MAPK10: variants seen among roughly 807,000 people sequenced by gnomAD.
MAPK10 encodes JNK3 alpha protein kinase.
MAPK10 carries 25 observed loss-of-function variants against 59.3 expected under a neutral mutation model. The ratio of observed to expected loss-of-function variants is 0.42; its 90% CI spans 0.31 to 0.59. MAPK10 has a LOEUF of 0.59. Among genes scored for constraint, MAPK10 ranks in the 20% least tolerant of loss-of-function variants. The pLI is 0.15. For synonymous variants in MAPK10, 190 were observed against 200.5 expected (o/e 0.95, Z 0.44); for missense variants, 351 against 568.9 (o/e 0.62, Z 3.90).
intron 11 of MAPK10, among the ~76,000 whole-genome samples, chr4:86,039,893 C>T (rs1406379388): frequency 6.6e-6 from 1 of 152,158 alleles, no homozygotes; most frequent in Non-Finnish European, 1.5e-5. Flanking sequence ...GACCCACCCA[C>T]CTGCTGACCC....
chr4:86,519,321 G>A (rs1008023818), intron 1 of MAPK10, among the ~76,000 whole-genome samples: 1 of 152,094 alleles, frequency 6.6e-6, no homozygotes, highest in East Asian at 1.9e-4. Flanking sequence ...ATATATTAAG[G>A]AATGTGATAT....
intron 3 of MAPK10, among the ~76,000 whole-genome samples, chr4:86,185,111 G>T (rs930505479): frequency 6.6e-6 from 1 of 152,152 alleles, no homozygotes; most frequent in African/African-American, 2.4e-5. Context: ...TAAACTTTGA[G>T]TTGGAAAGTT....
chr4:86,263,408 C>A (rs2094097613), intron 2 of MAPK10, among the ~76,000 whole-genome samples: 2 of 152,116 alleles, frequency 1.3e-5, no homozygotes, highest in Non-Finnish European at 2.9e-5. Flanking sequence ...GCTCCTGTTT[C>A]TCCTAGAAGT....
At chr4:86,171,601 T>G (rs934154697) in intron 3 of MAPK10, among the ~76,000 whole-genome samples, 1 of 152,140 alleles carries the variant, frequency 6.6e-6, no homozygotes, top group Non-Finnish European at 1.5e-5. Flanking sequence ...GACTTAAATG[T>G]TAGATCTAAA....
At chr4:86,359,288 C>CTCTCTGTGTGTGTG (rs796310826) in intron 1 of MAPK10, among the ~76,000 whole-genome samples, 6 of 94,602 alleles carry the variant, frequency 6.3e-5, no homozygotes, top group African/African-American at 3.2e-4. Context: ...CTCTCTCTCT[C>CTCTCTGTGTGTGTG]TGTGTGTGTG....
chr4:86,552,597 A>G (rs1289257996), intron 1 of MAPK10, among the ~76,000 whole-genome samples: 1 of 152,038 alleles, frequency 6.6e-6, no homozygotes, highest in Admixed American at 6.5e-5. Context: ...TGCAGAACCT[A>G]CTTGTGGGGA....
At chr4:86,112,160 A>C (rs1424475404) in intron 4 of MAPK10, among the ~76,000 whole-genome samples, 1 of 145,506 alleles carries the variant, frequency 6.9e-6, no homozygotes, top group Non-Finnish European at 1.5e-5. Context: ...AAAAAAAAAA[A>C]CCAGCTCCTG....
intron 13 of MAPK10, among the ~76,000 whole-genome samples, chr4:86,018,498 G>A (rs1744506719): frequency 6.6e-6 from 1 of 152,098 alleles, no homozygotes; most frequent in African/African-American, 2.4e-5. Context: ...TATCTGTTAT[G>A]CGGGAGTATA....
Position 86,017,459 on chromosome 4 carries a change from A to C in MAPK10, c.1253-89T>G. The C allele has an allele frequency of 7.2e-7, 1 of 1,392,188 alleles. No individual in the cohort carries two copies. Among genetic ancestry groups the C allele is most frequent in the Non-Finnish European group, 1.0e-6 (1 of 993,228 alleles). The allele number at this position is 1,392,188 out of a possible 1,614,324, so 86.2% of individuals were successfully genotyped here. ...CAGGATTCAGGGATGGGCAAATACA[A>C]TAGGGGATGTCCAGTCCATCAATCA... is the stretch of plus-strand genomic sequence containing the variant. On this transcript the variant is annotated intron_variant, in intron 13 of 13. Coordinates refer to ENST00000641462, the MANE Select transcript of MAPK10 (RefSeq NM_138982.4). The surrounding 1 kb of genome is among the most constrained non-coding windows in gnomAD (Gnocchi z 4.4).
At chr4:86,245,569 A>C (rs556746856) in intron 2 of MAPK10, among the ~76,000 whole-genome samples, 12 of 152,294 alleles carry the variant, frequency 7.9e-5, no homozygotes, top group Non-Finnish European at 1.6e-4. Context: ...CCTGGGCTCA[A>C]GCCATCCTCC....
In MAPK10 at chr4:86,010,901, G is replaced by C. The variant is rs1741383402; in HGVS notation, c.*6327C>G. 1 of 151,486 alleles carries C rather than the reference G, an allele frequency of 6.6e-6. No homozygotes were observed. The highest frequency in any genetic ancestry group is 2.5e-5 in the African/African-American group (1 of 40,788). The allele number at this position is 151,486 out of a possible 1,614,324, so 9.4% of individuals were successfully genotyped here. On this transcript the variant is annotated 3_prime_UTR_variant, in exon 14 of 14. Transcript: ENST00000641462. ...TCTGGACTGTTGGTTAAACATCGCA[G>C]ACAAGATCAGGTGAAGAACATTACT...
intron 9 of MAPK10, 92 bp from the exon 10 acceptor site, chr4:86,068,047 C>A: frequency 2.9e-6 from 2 of 686,100 alleles, no homozygotes; most frequent in South Asian, 7.0e-5. Context: ...CCTCAACAGT[C>A]ATTAATGCAA....
intron 1 of MAPK10, among the ~76,000 whole-genome samples, chr4:86,480,046 A>T (rs534887089): frequency 3.9e-5 from 6 of 152,072 alleles, no homozygotes; most frequent in Non-Finnish European, 8.8e-5. Context: ...TTTTCTTACT[A>T]ATATAAGAAG....
At chr4:86,195,512 C>A (rs779183266) in intron 2 of MAPK10, among the ~76,000 whole-genome samples, 8 of 152,106 alleles carry the variant, frequency 5.3e-5, no homozygotes, top group Non-Finnish European at 1.0e-4. Context: ...GAGCTGAGGC[C>A]GCTGTTTGTC....
chr4:86,063,112 C>T (rs979318707), intron 11 of MAPK10, among the ~76,000 whole-genome samples: 2 of 152,050 alleles, frequency 1.3e-5, no homozygotes, highest in Admixed American at 1.3e-4. Context: ...TTTTTAAATG[C>T]TTAAAGATTG....
intron 1 of MAPK10, among the ~76,000 whole-genome samples, chr4:86,556,520 T>C (rs1261918851): frequency 6.6e-6 from 1 of 152,172 alleles, no homozygotes; most frequent in Non-Finnish European, 1.5e-5. Context: ...GAAATGTTTT[T>C]AGATCATATT....
At chr4:86,320,217 G>A (rs2095862694) in intron 2 of MAPK10, among the ~76,000 whole-genome samples, 1 of 152,190 alleles carries the variant, frequency 6.6e-6, no homozygotes, top group African/African-American at 2.4e-5. Flanking sequence ...GGTTTTTCCA[G>A]TTAACATGGT....
Position 86,103,257 on chromosome 4 carries a change from G to T in MAPK10, c.367-13C>A. 1 of 1,283,528 alleles carries T rather than the reference G, an allele frequency of 7.8e-7. No homozygotes were observed. Among genetic ancestry groups the T allele is most frequent in the Non-Finnish European group, 1.1e-6 (1 of 877,362 alleles). 79.5% of individuals were successfully genotyped at this position (1,283,528 alleles called of 1,614,324 possible). A position where few individuals can be genotyped will look rare whatever the true frequency, so the allele number is the denominator to read the frequency against. ...ATAAACTAATAATCTGAAAGAGAGT[G>T]GAAGGGACAGAGGAAACGAGAGAAA... On this transcript the variant is annotated splice_polypyrimidine_tract_variant and intron_variant, in intron 5 of 13. Coordinates refer to ENST00000641462, the MANE Select transcript of MAPK10 (RefSeq NM_138982.4).
At chr4:86,051,946 T>C (rs1053545873) in intron 11 of MAPK10, among the ~76,000 whole-genome samples, 4 of 152,080 alleles carry the variant, frequency 2.6e-5, no homozygotes, top group African/African-American at 9.7e-5. Context: ...AAACAAAGTA[T>C]GAGGAACCCC....
Sources: allele counts gnomAD v4.1 joint callset (sites outside exome capture counted in the v4.1 genomes callset), GRCh38; gene constraint gnomAD v4.1.1; non-coding constraint Gnocchi (gnomAD v3.1); transcripts MANE v1.5; gene names NCBI Gene and HGNC (gene_info 2026-07-23, HGNC 2026-07-21).